Variants in SCAF1 observed in about 807,000 individuals in gnomAD.
The protein encoded by SCAF1 is SR-related CTD associated factor 1, also known as splicing factor, arginine/serine-rich 19.
In SCAF1, 28 loss-of-function variants were observed where a neutral mutation model predicts 91.2. The observed-to-expected ratio is 0.31, with a 90% CI of 0.23 to 0.42. The LOEUF (loss-of-function observed/expected upper bound fraction) is 0.42. SCAF1 is among the 10% of genes least tolerant of loss of function. The pLI is 1.00. For synonymous variants in SCAF1, 1,036 were observed against 833.7 expected (o/e 1.24, Z -4.18); for missense variants, 1,893 against 1,872.1 (o/e 1.01, Z -0.21).
In SCAF1 at chr19:49,646,084, TC is replaced by T. The variant is rs2081053082; in HGVS notation, c.167-19del. On this transcript the variant is annotated intron_variant, in intron 3 of 10. Coordinates refer to ENST00000360565, the MANE Select transcript of SCAF1 (RefSeq NM_021228.3). The surrounding 1 kb of genome is among the most constrained non-coding windows in gnomAD (Gnocchi z 5.6). The stretch of plus-strand genomic sequence containing the variant: ...TCTGCAGCAAGTCCCCTGTGTCCAA[TC>T]CCCCATGCAAATCTCTCACCAGATG... 6.2e-7 allele frequency: 1 copy of T among 1,603,136 alleles called. No individual in the cohort carries two copies.
At chr19:49,655,547 AGTAGAGACGGCATTTCACCACGTT>A (rs1377416045) in intron 9 of SCAF1, among the ~76,000 whole-genome samples, 1 of 152,020 alleles carries the variant, frequency 6.6e-6, no homozygotes, top group Non-Finnish European at 1.5e-5. Flanking sequence ...TTGTATTTTT[AGTAGAGACGGCATTTCACCACGTT>A]GGCCAGGCTG....
At chr19:49,650,143 G>T (rs2081077047) in intron 6 of SCAF1, among the ~76,000 whole-genome samples, 1 of 152,224 alleles carries the variant, frequency 6.6e-6, no homozygotes, top group Non-Finnish European at 1.5e-5. Flanking sequence ...CTTTGTCATT[G>T]CCACTGTCAC....
Position 49,651,244 on chromosome 19 carries a change from G to A in SCAF1, c.855G>A (p.Glu285=). 1 of 1,612,726 alleles carries A rather than the reference G, an allele frequency of 6.2e-7. No individual in the cohort carries two copies. Among genetic ancestry groups the A allele is most frequent in the South Asian group, 1.1e-5 (1 of 91,026 alleles). The part of the protein sequence containing the change: ...EEEEEEEEDE[E]EEEGLSQSIS... ...AAGAAGAGGAAGAGGAAGACGAGGA[G>A]GAGGAGGAAGGCCTGTCCCAGAGCA... is the stretch of plus-strand genomic sequence containing the variant. Residue 285 remains glutamate, a synonymous_variant, in exon 7 of 11, where the codon GAG becomes GAA. Transcript: ENST00000360565.
intron 10 of SCAF1, 24 bp downstream of exon 10, chr19:49,657,913 GAC>G: frequency 6.2e-7 from 1 of 1,607,796 alleles, no homozygotes; most frequent in African/African-American, 1.3e-5. Context: ...GAGAGGGGCA[GAC>G]ACAGGCCGGG....
intron 1 of SCAF1, among the ~76,000 whole-genome samples, chr19:49,644,168 G>A (rs1449647917): frequency 1.3e-5 from 2 of 152,172 alleles, no homozygotes; most frequent in East Asian, 3.8e-4. Context: ...TAGGAATTTT[G>A]AGATTGGATA....
In SCAF1 at chr19:49,643,782, T is replaced by A. The variant is rs1303106580; in HGVS notation, c.-6-1239T>A. 2.6e-5 allele frequency among the ~76,000 whole-genome samples: 4 copies of A among 152,146 alleles called. No homozygotes were observed. The East Asian group carries it at 7.7e-4, about 29-fold the overall frequency. ...AACTGGGGCTGAGCTTATTGAGTAT[T>A]GGTGAAAGAGGCTGGGATGTAATAG... On this transcript the variant is annotated intron_variant, in intron 1 of 10. Transcript: ENST00000360565.
In SCAF1 at chr19:49,654,807, G is replaced by T; in HGVS notation, c.3555G>T (p.Leu1185=). 1 of 1,612,658 alleles carries T rather than the reference G, an allele frequency of 6.2e-7. No individual in the cohort carries two copies. Among genetic ancestry groups the T allele is most frequent in the East Asian group, 2.2e-5 (1 of 44,838 alleles). The change falls in exon 9 of 11, where the codon CTG becomes CTT. Residue 1185 remains leucine (L), a synonymous_variant. Coordinates refer to ENST00000360565, the MANE Select transcript of SCAF1 (RefSeq NM_021228.3). ...CGSTPPTPTG[L]AATSDKREGS... ...CGACCCCCCCCACCCCCACCGGGCT[G>T]GCTGCCACGTCTGACAAGAGAGAGG...
Position 49,652,354 on chromosome 19 carries a change from TG to T in SCAF1, c.1969del (p.Asp657MetfsTer81). The T allele has an allele frequency of 6.5e-7, 1 of 1,536,864 alleles. No homozygotes were observed. The stretch of plus-strand genomic sequence containing the variant: ...CGCGGTCCCGGGGTGAGAAGCGGTC[TG>T]GGGATGGCAGCGAGAAGGCCCCGGC... The part of the protein sequence containing the change: ...RSRSRGEKRS[G>X]DGSEKAPAPA... On this transcript the variant is annotated frameshift_variant, in exon 7 of 11. Transcript: ENST00000360565. LOFTEE classifies it high-confidence loss of function.
At chr19:49,654,501 C>G in intron 8 of SCAF1, 70 bp downstream of exon 8, 2 of 1,489,514 alleles carry the variant, frequency 1.3e-6, no homozygotes, top group South Asian at 2.3e-5. Context: ...GGAGAGGAAC[C>G]GCGGGCCTGG....
At position 49,652,688 on chromosome 19, in the gene SCAF1, G is replaced by GGGTCTC. The variant is rs2081106773; in HGVS notation, c.2301_2306dup (p.Ser768_Arg769dup). The stretch of plus-strand genomic sequence containing the variant: ...CTCCTCCTCCTCTTCCCGGGAGAAG[G>GGGTCTC]GGTCTCGTCGGAAGGCGCTGGACGG... On this transcript the variant is annotated inframe_insertion, in exon 7 of 11. Transcript: ENST00000360565. 1 of 1,570,164 alleles carries GGGTCTC rather than the reference G, an allele frequency of 6.4e-7. No homozygotes were observed. The highest frequency in any genetic ancestry group is 1.4e-5 in the African/African-American group (1 of 73,882).
Position 49,652,978 on chromosome 19 carries a change from C to T in SCAF1, c.2589C>T (p.Gly863=), listed in dbSNP as rs570192434. The change falls in exon 7 of 11, where the codon GGC becomes GGT. Residue 863 remains glycine, a synonymous_variant. Transcript: ENST00000360565. Reference sequence around the variant, plus strand: ...CGTCAGCCGGCCTGGGCTCCATTGGCGTCAAATTCAGCCGTGACCGCGAGA... The same window carrying T: ...CGTCAGCCGGCCTGGGCTCCATTGGTGTCAAATTCAGCCGTGACCGCGAGA... ...DAASAGLGSI[G]VKFSRDRESR... is the part of the protein sequence containing the mutation. 6.8e-6 allele frequency: 11 copies of T among 1,613,958 alleles called. No individual in the cohort carries two copies. The highest frequency in any genetic ancestry group is 6.7e-5 in the Admixed American group (4 of 60,022).
chr19:49,653,401 C>T lies in SCAF1; in HGVS notation c.3012C>T (p.Val1004=). 6.5e-7 allele frequency: 1 copy of T among 1,542,858 alleles called. No homozygotes were observed. The part of the protein sequence containing the change: ...TVDSSCKTPE[V]SFLPEEATEE... ...ACAGCAGCTGCAAGACACCTGAGGT[C>T]TCCTTCCTGCCCGAGGAGGCCACTG... is the stretch of plus-strand genomic sequence containing the variant. The change falls in exon 7 of 11, where the codon GTC becomes GTT. Residue 1004 remains valine, a synonymous_variant. Transcript: ENST00000360565.
In SCAF1 at chr19:49,651,898, C is replaced by G. The variant is rs922703882; in HGVS notation, c.1509C>G (p.Pro503=). 2 of 1,165,280 alleles carry G rather than the reference C, an allele frequency of 1.7e-6. No homozygotes were observed. Among genetic ancestry groups the G allele is most frequent in the Non-Finnish European group, 1.1e-6 (1 of 941,934 alleles). The allele number at this position is 1,165,280 out of a possible 1,614,324, so 72.2% of individuals were successfully genotyped here. The part of the protein sequence containing the change: ...RYRQRSPSPA[P]APAPAAAAGP... ...GCCAGCGCTCGCCCTCCCCGGCGCC[C>G]GCGCCCGCCCCGGCCGCCGCTGCTG... is the stretch of plus-strand genomic sequence containing the variant. Residue 503 remains proline, a synonymous_variant, in exon 7 of 11, where the codon CCC becomes CCG. Transcript: ENST00000360565.
chr19:49,655,999 C>T (rs1159587362), intron 9 of SCAF1, among the ~76,000 whole-genome samples: 1 of 152,206 alleles, frequency 6.6e-6, no homozygotes. Flanking sequence ...GTCTAGTAGC[C>T]CATAGCCAGA....
In SCAF1 at chr19:49,642,385, G is replaced by C. The variant is rs937730241; in HGVS notation, c.-7+143G>C. On this transcript the variant is annotated intron_variant, in intron 1 of 10. Coordinates refer to ENST00000360565, the MANE Select transcript of SCAF1 (RefSeq NM_021228.3). This position sits in a 1 kb window ranked among gnomAD's most constrained non-coding sequence, Gnocchi z 4.0. ...TCTCGGGGCGGTCTCGGGCCCGGCA[G>C]CTGCGGCGAAACCTGGCGCCGAGAG... The C allele has an allele frequency of 3.3e-5, 5 of 152,264 alleles. No homozygotes were observed. Among genetic ancestry groups the C allele is most frequent in the African/African-American group, 9.7e-5 (4 of 41,440 alleles). The allele number at this position is 152,264 out of a possible 1,614,324, so 9.4% of individuals were successfully genotyped here. A position where few individuals can be genotyped will look rare whatever the true frequency, so the allele number is the denominator to read the frequency against.
Position 49,646,987 on chromosome 19 carries a change from G to A in SCAF1, c.478+157G>A, listed in dbSNP as rs1009882421. On this transcript the variant is annotated intron_variant, in intron 6 of 10. Coordinates refer to ENST00000360565, the MANE Select transcript of SCAF1 (RefSeq NM_021228.3). This position sits in a 1 kb window ranked among gnomAD's most constrained non-coding sequence, Gnocchi z 5.6. ...ATTAAGGCTGTAGGCGCATACAGATGTACATAAAGTAAAAACTGATGTGCT... is the reference window on the plus strand; with the variant it reads ...ATTAAGGCTGTAGGCGCATACAGATATACATAAAGTAAAAACTGATGTGCT... 1.3e-5 allele frequency among the ~76,000 whole-genome samples: 2 copies of A among 152,242 alleles called. No homozygotes were observed. The highest frequency in any genetic ancestry group is 2.9e-5 in the Non-Finnish European group (2 of 68,042).
In SCAF1 at chr19:49,651,238, C is replaced by A. The variant is rs1555749064; in HGVS notation, c.849C>A (p.Asp283Glu). 2 of 1,611,878 alleles carry A rather than the reference C, an allele frequency of 1.2e-6. No homozygotes were observed. The highest frequency in any genetic ancestry group is 1.7e-6 in the Non-Finnish European group (2 of 1,179,392). Residue 283 changes from aspartate (D) to glutamate (E), a missense_variant, in exon 7 of 11, where the codon GAC (aspartate) becomes GAA (glutamate). Physicochemically the swap from Asp to Glu is conservative, Grantham distance 45 (BLOSUM62 2). Coordinates refer to ENST00000360565, the MANE Select transcript of SCAF1 (RefSeq NM_021228.3). ...AGGAAGAAGAAGAGGAAGAGGAAGA[C>A]GAGGAGGAGGAGGAAGGCCTGTCCC... ...EEEEEEEEEE[D>E]EEEEEGLSQS...
rs1303661665 is a variant in SCAF1, at chr19:49,646,430, A to G, written c.262-96A>G. The G allele has an allele frequency of 1.8e-6, 2 of 1,106,974 alleles. No individual in the cohort carries two copies. Among genetic ancestry groups the G allele is most frequent in the African/African-American group, 1.5e-5 (1 of 64,692 alleles). 68.6% of individuals were successfully genotyped at this position (1,106,974 alleles called of 1,614,324 possible). ...TCCTCAGTTTTCTTGGGGATCTTAG[A>G]TGTCTGGGTTCCTGAGAGGTTAGGG... On this transcript the variant is annotated intron_variant, in intron 4 of 10. Transcript: ENST00000360565. The surrounding 1 kb of genome is among the most constrained non-coding windows in gnomAD (Gnocchi z 5.6).
intron 6 of SCAF1, among the ~76,000 whole-genome samples, chr19:49,648,969 CAAAAAAA>C (rs71180644): frequency 1.6e-5 from 1 of 63,958 alleles, no homozygotes; most frequent in Non-Finnish European, 3.2e-5. Flanking sequence ...GACTCCCTCT[CAAAAAAA>C]AAAAAAAAAA....
Sources: allele counts gnomAD v4.1 joint callset (sites outside exome capture counted in the v4.1 genomes callset), GRCh38; gene constraint gnomAD v4.1.1; non-coding constraint Gnocchi (gnomAD v3.1); transcripts MANE v1.5; gene names NCBI Gene and HGNC (gene_info 2026-07-23, HGNC 2026-07-21).